The following PPFIA2 variants were observed in gnomAD, a reference collection of about 807,000 sequenced individuals.
The protein encoded by PPFIA2 is PPFI scaffold protein A2.
Under a neutral mutation model 175.5 loss-of-function variants are expected in PPFIA2, and 46 were observed. That is an observed-to-expected ratio of 0.26 (90% CI 0.21 to 0.34). The LOEUF is 0.34. Ranked by LOEUF, PPFIA2 falls within the 10% of genes least tolerant of loss-of-function variation. The pLI is 1.00. For missense variants in PPFIA2, 1,179 were observed against 1,506.1 expected (o/e 0.78, Z 3.60); for synonymous variants, 568 against 511.4 (o/e 1.11, Z -1.49).
intron 3 of PPFIA2, among the ~76,000 whole-genome samples, chr12:81,711,252 GA>G (rs1196803496): frequency 2.0e-5 from 3 of 151,110 alleles, no homozygotes; most frequent in Admixed American, 6.8e-5. Flanking sequence ...AAAAGAATAT[GA>G]AATATTCAAC....
chr12:81,509,378 C>T (rs2061530275), intron 4 of PPFIA2, among the ~76,000 whole-genome samples: 1 of 152,086 alleles, frequency 6.6e-6, no homozygotes, highest in Non-Finnish European at 1.5e-5. Context: ...CTATTTCATC[C>T]TCCTCTAACT....
At chr12:81,542,404 G>C (rs1347441548) in intron 4 of PPFIA2, among the ~76,000 whole-genome samples, 3 of 152,158 alleles carry the variant, frequency 2.0e-5, no homozygotes, top group Non-Finnish European at 4.4e-5. Context: ...ATCGTTTTAA[G>C]CCACTGATTT....
intron 22 of PPFIA2, 46 bp downstream of exon 22, chr12:81,325,723 AATAATAAG>A (rs2054617893): frequency 1.6e-6 from 2 of 1,247,864 alleles, no homozygotes; most frequent in South Asian, 2.5e-5. Context: ...CCCTATAAAT[AATAATAAG>A]GAATTGATAA....
intron 21 of PPFIA2, among the ~76,000 whole-genome samples, chr12:81,331,030 G>A (rs2056014275): frequency 1.3e-5 from 2 of 152,148 alleles, no homozygotes; most frequent in African/African-American, 4.8e-5. Flanking sequence ...GTAACTATTG[G>A]TTCCTTAGCA....
At chr12:81,451,320 C>T (rs147088576) in intron 5 of PPFIA2, among the ~76,000 whole-genome samples, 1,551 of 152,224 alleles carry the variant, frequency 0.01, 15 homozygotes, top group Non-Finnish European at 0.016. Flanking sequence ...TTCCCAGTAA[C>T]ATTTCTTGGG....
intron 4 of PPFIA2, 127 bp downstream of exon 4, chr12:81,676,664 T>C (rs2072568284): frequency 1.8e-6 from 1 of 549,434 alleles, no homozygotes; most frequent in Non-Finnish European, 2.9e-6. Flanking sequence ...GTTATTAGTT[T>C]CTATAATAGC....
At chr12:81,304,499 A>C (rs2048664834) in intron 22 of PPFIA2, among the ~76,000 whole-genome samples, 1 of 152,228 alleles carries the variant, frequency 6.6e-6, no homozygotes, top group Admixed American at 6.5e-5. Flanking sequence ...AAATAGACTA[A>C]GGCAGTAAAG....
At chr12:81,276,908 G>T (rs2040669950) in intron 28 of PPFIA2, among the ~76,000 whole-genome samples, 2 of 151,736 alleles carry the variant, frequency 1.3e-5, no homozygotes, top group South Asian at 4.2e-4. Flanking sequence ...AAAATTGCTG[G>T]GGCACTGGAA....
intron 7 of PPFIA2, among the ~76,000 whole-genome samples, chr12:81,428,511 A>C (rs1186432609): frequency 2.0e-5 from 3 of 152,000 alleles, no homozygotes; most frequent in Non-Finnish European, 4.4e-5. Context: ...TAACAGTACA[A>C]TCATCAACAG....
intron 3 of PPFIA2, among the ~76,000 whole-genome samples, chr12:81,683,482 A>T (rs1268913720): frequency 6.6e-6 from 1 of 151,932 alleles, no homozygotes; most frequent in Non-Finnish European, 1.5e-5. Flanking sequence ...TCTTGACCAA[A>T]ACCCTAAATG....
In PPFIA2 at chr12:81,374,781, T is replaced by A. The variant is rs781430104; in HGVS notation, c.1132-13A>T. ...TTTTCTCTTCCATCTGAAATGGGAA[T>A]GGGAGCAGAGACACTTAAAGAGTCA... On this transcript the variant is annotated splice_polypyrimidine_tract_variant and intron_variant, in intron 10 of 32. Coordinates refer to ENST00000549396, the MANE Select transcript of PPFIA2 (RefSeq NM_003625.5). The A allele has an allele frequency of 6.2e-7, 1 of 1,609,622 alleles. No individual in the cohort carries two copies. Among genetic ancestry groups the A allele is most frequent in the Non-Finnish European group, 8.5e-7 (1 of 1,177,394 alleles).
chr12:81,612,125 G>A (rs577593226), intron 4 of PPFIA2, among the ~76,000 whole-genome samples: 1 of 152,122 alleles, frequency 6.6e-6, no homozygotes, highest in East Asian at 1.9e-4. Flanking sequence ...GTCTCTCTTG[G>A]TGGGAGCAGT....
At chr12:81,501,726 A>G (rs2147421417) in intron 4 of PPFIA2, among the ~76,000 whole-genome samples, 1 of 152,320 alleles carries the variant, frequency 6.6e-6, no homozygotes, top group African/African-American at 2.4e-5. Context: ...CACTTTTGTT[A>G]GAGGTTTATC....
In PPFIA2 at chr12:81,754,099, T is replaced by C. The variant is rs1291640886; in HGVS notation, c.123A>G (p.Glu41=). The change falls in exon 3 of 33, where the codon GAA becomes GAG. Residue 41 remains glutamate, a synonymous_variant. Coordinates refer to ENST00000549396, the MANE Select transcript of PPFIA2 (RefSeq NM_003625.5). ...GAAGGGTGTCTAGAAGACGATCCCT[T>C]TCATCTAGCATATTCACCATCAGCT... ...FEQLMVNMLD[E]RDRLLDTLRE... 1.9e-6 allele frequency: 3 copies of C among 1,613,752 alleles called. No homozygotes were observed. In the African/African-American group the frequency reaches 4.0e-5, roughly 22 times the overall value.
chr12:81,591,282 G>A (rs1274058116), intron 4 of PPFIA2, among the ~76,000 whole-genome samples: 3 of 152,194 alleles, frequency 2.0e-5, no homozygotes, highest in African/African-American at 7.2e-5. Flanking sequence ...TTCAAGAGGT[G>A]ACTTGGGTGT....
At chr12:81,558,405 C>A (rs1031167922) in intron 4 of PPFIA2, among the ~76,000 whole-genome samples, 3 of 152,192 alleles carry the variant, frequency 2.0e-5, no homozygotes, top group African/African-American at 7.2e-5. Context: ...TATTTTCATA[C>A]ACATTACAAT....
chr12:81,534,284 T>C (rs2153304334), intron 4 of PPFIA2, among the ~76,000 whole-genome samples: 1 of 151,692 alleles, frequency 6.6e-6, no homozygotes, highest in South Asian at 2.1e-4. Context: ...ATTACTATAG[T>C]AAACAAAAAT....
chr12:81,277,645 T>C (rs1488401625), intron 27 of PPFIA2, among the ~76,000 whole-genome samples: 1 of 152,164 alleles, frequency 6.6e-6, no homozygotes, highest in Non-Finnish European at 1.5e-5. Context: ...GAAAAAACAG[T>C]TTTAAAATCA....
intron 3 of PPFIA2, among the ~76,000 whole-genome samples, chr12:81,719,422 G>T (rs2079048929): frequency 6.6e-6 from 1 of 151,408 alleles, no homozygotes; most frequent in Non-Finnish European, 1.5e-5. Flanking sequence ...TCTTAATTCT[G>T]CTTCCTGATT....
Sources: allele counts gnomAD v4.1 joint callset (sites outside exome capture counted in the v4.1 genomes callset), GRCh38; gene constraint gnomAD v4.1.1; transcripts MANE v1.5; gene names NCBI Gene and HGNC (gene_info 2026-07-23, HGNC 2026-07-21).